Variants in MAPKAPK5 observed in about 807,000 individuals in gnomAD.
MAPKAPK5 encodes MAP kinase-activated protein kinase 5.
Under a neutral mutation model 65.1 loss-of-function variants are expected in MAPKAPK5, and 30 were observed. The observed-to-expected ratio is 0.46, with a 90% CI of 0.34 to 0.63. MAPKAPK5 has a LOEUF of 0.63. MAPKAPK5 is among the 20% of genes least tolerant of loss of function. MAPKAPK5 has a pLI of 0.01. For synonymous variants in MAPKAPK5, 179 were observed against 204.6 expected, an observed-to-expected ratio of 0.87 and a Z score of 1.07; for missense variants, 433 against 581.4, an observed-to-expected ratio of 0.74 and a Z score of 2.63.
chr12:111,880,344 G>T, intron 7 of MAPKAPK5, 103 bp from the exon 8 acceptor site: 1 of 913,974 alleles, frequency 1.1e-6, no homozygotes, highest in Admixed American at 2.0e-5. Context: ...ATGGCTGATT[G>T]CCAGTTGTTT....
chr12:111,856,038 A>AC (rs2069229100), intron 1 of MAPKAPK5, among the ~76,000 whole-genome samples: 1 of 151,656 alleles, frequency 6.6e-6, no homozygotes, highest in African/African-American at 2.4e-5. Flanking sequence ...TACTTTTAGT[A>AC]GAGACTGGGT....
chr12:111,850,368 TG>T (rs536081592), intron 1 of MAPKAPK5, among the ~76,000 whole-genome samples: 22 of 152,230 alleles, frequency 1.4e-4, no homozygotes, highest in African/African-American at 5.3e-4. Context: ...AGCTTTTACG[TG>T]GGTGCGAGAG....
At chr12:111,856,401 T>C (rs1398056410) in intron 1 of MAPKAPK5, among the ~76,000 whole-genome samples, 1 of 148,422 alleles carries the variant, frequency 6.7e-6, no homozygotes, top group Non-Finnish European at 1.5e-5. Flanking sequence ...TCTTCTTTTT[T>C]TTTCTTTCTT....
At chr12:111,876,205 CAAAAAAAAAA>C (rs751802746) in intron 7 of MAPKAPK5, among the ~76,000 whole-genome samples, 1 of 43,564 alleles carries the variant, frequency 2.3e-5, no homozygotes, top group African/African-American at 7.6e-5. Context: ...GACTCCATCT[CAAAAAAAAAA>C]AAAAAAAAAA....
intron 8 of MAPKAPK5, among the ~76,000 whole-genome samples, chr12:111,880,729 G>T (rs149381896): frequency 6.6e-6 from 1 of 152,140 alleles, no homozygotes; most frequent in Admixed American, 6.5e-5. Flanking sequence ...AGCCAGACTC[G>T]CAGAAAAGTA....
At chr12:111,886,400 A>G (rs906994167) in intron 10 of MAPKAPK5, among the ~76,000 whole-genome samples, 1 of 152,268 alleles carries the variant, frequency 6.6e-6, no homozygotes, top group Non-Finnish European at 1.5e-5. Context: ...TTCAAATATC[A>G]GAGCTTTGCA....
rs1480785075 is a variant in MAPKAPK5, at chr12:111,900,073, G to A, written c.*7012G>A. On this transcript the variant is annotated 3_prime_UTR_variant, in exon 14 of 14. Coordinates refer to ENST00000550735, the MANE Select transcript of MAPKAPK5 (RefSeq NM_003668.4). ...ATTGCTCTGGCCAACAGCTTCACTA[G>A]GGGAATAAACACAGAGGTGGTGCTG... 2.2e-6 allele frequency: 1 copy of A among 455,948 alleles called. No homozygotes were observed. The highest frequency in any genetic ancestry group is 4.4e-6 in the Non-Finnish European group (1 of 226,802). The allele number at this position is 455,948 out of a possible 1,614,324, so 28.2% of individuals were successfully genotyped here. A position where few individuals can be genotyped will look rare whatever the true frequency, so the allele number is the denominator to read the frequency against.
intron 1 of MAPKAPK5, among the ~76,000 whole-genome samples, chr12:111,849,162 T>C (rs1566221661): frequency 6.6e-6 from 1 of 151,868 alleles, no homozygotes; most frequent in Non-Finnish European, 1.5e-5. Flanking sequence ...CCCAGGCTGG[T>C]CTTGAACTCC....
In MAPKAPK5 at chr12:111,842,761, G is replaced by A. The variant is rs535440906; in HGVS notation, c.28G>A (p.Ala10Thr). 124 of 1,340,918 alleles carry A rather than the reference G, an allele frequency of 9.2e-5. 1 individual carries two copies. In the Middle Eastern group the frequency reaches 1.6e-3, roughly 17 times the overall value. 83.1% of individuals were successfully genotyped at this position (1,340,918 alleles called of 1,614,324 possible). A position where few individuals can be genotyped will look rare whatever the true frequency, so the allele number is the denominator to read the frequency against. The change falls in exon 1 of 14, where the codon GCC becomes ACC. Residue 10 changes from alanine (A) to threonine (T), a missense_variant. By Grantham distance (58) the Ala-to-Thr change is moderately conservative. Around this residue, in one of 3 missense-constraint regions of MAPKAPK5, gnomAD observed 165 missense variants for 180.0 expected, o/e 0.92. Coordinates refer to ENST00000550735, the MANE Select transcript of MAPKAPK5 (RefSeq NM_003668.4). ...GTCGGAGGAGAGCGACATGGACAAA[G>A]CCATCAAGGTAAGGGGGAGGTGCCC... MSEESDMDK[A>T]IKETSILEEY...
intron 7 of MAPKAPK5, among the ~76,000 whole-genome samples, chr12:111,877,426 G>A (rs1303507058): frequency 6.6e-6 from 1 of 151,940 alleles, no homozygotes; most frequent in Admixed American, 6.6e-5. Context: ...CCTGCATTTG[G>A]TATGGTCAGT....
chr12:111,890,290 G>A (rs1025283229), intron 13 of MAPKAPK5, 146 bp downstream of exon 13: 1 of 630,852 alleles, frequency 1.6e-6, no homozygotes, highest in East Asian at 2.8e-5. Flanking sequence ...TGTGGAATGG[G>A]GGTTAGCTCT....
In MAPKAPK5 at chr12:111,894,818, T is replaced by A. The variant is rs1207719837; in HGVS notation, c.*1757T>A. 6.6e-6 allele frequency: 1 copy of A among 151,216 alleles called. No homozygotes were observed. The highest frequency in any genetic ancestry group is 1.5e-5 in the Non-Finnish European group (1 of 67,978). 9.4% of individuals were successfully genotyped at this position (151,216 alleles called of 1,614,324 possible). ...AAGCAGTTTTTGGTGGGTACTTACG[T>A]TGGTACATAGAAAAGCTGGCAGGTA... is the stretch of plus-strand genomic sequence containing the variant. On this transcript the variant is annotated 3_prime_UTR_variant, in exon 14 of 14. Coordinates refer to ENST00000550735, the MANE Select transcript of MAPKAPK5 (RefSeq NM_003668.4).
intron 4 of MAPKAPK5, 72 bp from the exon 5 acceptor site, chr12:111,868,681 A>G (rs1431299081): frequency 1.7e-6 from 2 of 1,184,102 alleles, no homozygotes; most frequent in Non-Finnish European, 1.2e-6. Context: ...CAGCTTCTTA[A>G]TGTTTCAGGG....
intron 8 of MAPKAPK5, among the ~76,000 whole-genome samples, chr12:111,880,990 A>G (rs970886559): frequency 2.0e-5 from 3 of 152,236 alleles, no homozygotes; most frequent in African/African-American, 7.2e-5. Flanking sequence ...TAAAACACCC[A>G]GCTTAGAACA....
chr12:111,885,653 A>T (rs2070375395), intron 9 of MAPKAPK5: 1 of 406,568 alleles, frequency 2.5e-6, no homozygotes, highest in African/African-American at 2.0e-5. Context: ...ACCTTATTAA[A>T]CCCTAGAACT....
intron 7 of MAPKAPK5, among the ~76,000 whole-genome samples, chr12:111,872,772 A>G (rs540658147): frequency 1.7e-4 from 26 of 152,238 alleles, no homozygotes; most frequent in Admixed American, 4.6e-4. Context: ...GCATCTTCCA[A>G]TGAGTGTCTC....
At chr12:111,891,964 C>G (rs926837937) in intron 13 of MAPKAPK5, among the ~76,000 whole-genome samples, 1 of 152,182 alleles carries the variant, frequency 6.6e-6, no homozygotes, top group Non-Finnish European at 1.5e-5. Flanking sequence ...TCCAGTCACT[C>G]CCTCCCTCCA....
At chr12:111,855,498 C>T (rs561853368) in intron 1 of MAPKAPK5, among the ~76,000 whole-genome samples, 1 of 152,254 alleles carries the variant, frequency 6.6e-6, no homozygotes, top group South Asian at 2.1e-4. Flanking sequence ...TCTAATATCT[C>T]ATGTTAAATC....
At chr12:111,879,292 G>A (rs7294623) in intron 7 of MAPKAPK5, 29,692 of 151,734 alleles carry the variant, frequency 0.2, 3,115 homozygotes, top group Middle Eastern at 0.27. Context: ...TTTTATTTTC[G>A]GGTTTAATTA....
Sources: allele counts gnomAD v4.1 joint callset (sites outside exome capture counted in the v4.1 genomes callset), GRCh38; gene constraint gnomAD v4.1.1; regional missense constraint gnomAD v4.1.1; transcripts MANE v1.5; gene names NCBI Gene and HGNC (gene_info 2026-07-23, HGNC 2026-07-21).